Variants in MYO5B observed in about 807,000 individuals in gnomAD.
The protein encoded by MYO5B is unconventional myosin-Vb.
In MYO5B, 143 loss-of-function variants were observed where a neutral mutation model predicts 229.3. The ratio of observed to expected loss-of-function variants is 0.62; its 90% CI spans 0.54 to 0.72. The LOEUF (loss-of-function observed/expected upper bound fraction) is 0.72. MYO5B is among the 30% of genes least tolerant of loss of function. The pLI, the probability that MYO5B is intolerant of heterozygous loss-of-function variation, is 0.00. For synonymous variants in MYO5B, 918 were observed against 885.2 expected, an observed-to-expected ratio of 1.04 and a Z score of -0.66; for missense variants, 2,321 against 2,331.0, an observed-to-expected ratio of 1.00 and a Z score of 0.09.
intron 26 of MYO5B, among the ~76,000 whole-genome samples, chr18:49,874,098 C>A (rs1006697352): frequency 6.6e-6 from 1 of 152,212 alleles, no homozygotes; most frequent in African/African-American, 2.4e-5. Flanking sequence ...CCTCTCCCAA[C>A]CCACACCTGC....
chr18:50,051,205 C>A (rs2030383783), intron 2 of MYO5B, among the ~76,000 whole-genome samples: 1 of 152,148 alleles, frequency 6.6e-6, no homozygotes, highest in Admixed American at 6.5e-5. Context: ...ATAAAATATA[C>A]TTTAAACAGA....
In MYO5B at chr18:50,065,528, C is replaced by T. The variant is rs144764240; in HGVS notation, c.28-10150G>A. Among the ~76,000 whole-genome samples, 351 of 152,248 alleles carry T rather than the reference C, an allele frequency of 2.3e-3. 1 individual carries two copies. The highest frequency in any genetic ancestry group is 7.4e-3 in the African/African-American group (309 of 41,530). The stretch of plus-strand genomic sequence containing the variant: ...ACCGCCACTTATACAACCATCAGAT[C>T]TCATGATAACTCACTCACTGTAGGC... On this transcript the variant is annotated intron_variant, in intron 1 of 39. Transcript: ENST00000285039.
At chr18:49,858,579 G>A (rs578133153) in intron 29 of MYO5B, among the ~76,000 whole-genome samples, 7 of 152,250 alleles carry the variant, frequency 4.6e-5, no homozygotes, top group East Asian at 1.9e-4. Flanking sequence ...CACCTCTGTC[G>A]TCCCCGTAAA....
rs1438443779 is a variant in MYO5B, at chr18:49,904,690, C to T, written c.2553G>A (p.Val851=). ...TACTCACCTGGCGGTAGGTTCTCCG[C>T]ACAAACATGGCCCGGGTGAAGGCCT... ...VIQAFTRAMF[V]RRTYRQVLME... The change falls in exon 20 of 40, where the codon GTG becomes GTA. Residue 851 remains valine (V), a synonymous_variant. Transcript: ENST00000285039. 1 of 1,613,840 alleles carries T rather than the reference C, an allele frequency of 6.2e-7. No homozygotes were observed. The highest frequency in any genetic ancestry group is 1.3e-5 in the African/African-American group (1 of 74,932).
intron 30 of MYO5B, among the ~76,000 whole-genome samples, chr18:49,854,738 C>T (rs1046561805): frequency 2.0e-5 from 3 of 152,098 alleles, no homozygotes; most frequent in Admixed American, 2.0e-4. Flanking sequence ...CCGTGGCTGC[C>T]CTGGAGGAAG....
rs540648379 is a variant in MYO5B at position 49,864,067 on chromosome 18, A to G, written c.3843+74T>C. 490 of 1,585,166 alleles carry G rather than the reference A, an allele frequency of 3.1e-4. 6 individuals are homozygous for G. The South Asian group carries it at 5.1e-3, about 17-fold the overall frequency. ...AGGTTTTAGACCCTCGTGGGTAAAGATAATTAAAAAAACACTAATCTACCA... is the reference window on the plus strand; with the variant it reads ...AGGTTTTAGACCCTCGTGGGTAAAGGTAATTAAAAAAACACTAATCTACCA... On this transcript the variant is annotated intron_variant, in intron 28 of 39. Transcript: ENST00000285039.
intron 1 of MYO5B, among the ~76,000 whole-genome samples, chr18:50,094,630 A>T (rs2031514803): frequency 6.6e-6 from 1 of 152,180 alleles, no homozygotes; most frequent in South Asian, 2.1e-4. Flanking sequence ...TTTACCAAAC[A>T]AGGGAAAAAA....
intron 1 of MYO5B, among the ~76,000 whole-genome samples, chr18:50,173,956 C>T (rs1438749758): frequency 2.0e-5 from 3 of 152,052 alleles, no homozygotes; most frequent in African/African-American, 4.8e-5. Flanking sequence ...TCTGCGAGGG[C>T]GTTTCTGGAA....
intron 4 of MYO5B, among the ~76,000 whole-genome samples, chr18:50,002,012 G>A (rs1204296349): frequency 7.2e-6 from 1 of 138,072 alleles, no homozygotes; most frequent in Non-Finnish European, 1.5e-5. Flanking sequence ...CTCCAGCGTG[G>A]GCAACAGAGC....
chr18:50,040,924 C>A (rs960017358), intron 2 of MYO5B, among the ~76,000 whole-genome samples: 10 of 152,096 alleles, frequency 6.6e-5, no homozygotes, highest in Admixed American at 1.3e-4. Context: ...AGGTGTTATC[C>A]TTGTATTCTT....
intron 4 of MYO5B, among the ~76,000 whole-genome samples, chr18:50,032,719 C>A (rs147210607): frequency 1.5e-3 from 221 of 152,328 alleles, no homozygotes; most frequent in African/African-American, 5.1e-3. Flanking sequence ...GGCATGGAGG[C>A]TCATGCCTAT....
At chr18:49,907,819 T>A (rs980801491) in intron 18 of MYO5B, among the ~76,000 whole-genome samples, 6 of 152,260 alleles carry the variant, frequency 3.9e-5, no homozygotes, top group Admixed American at 2.6e-4. Flanking sequence ...GCCAGGCTGC[T>A]CGTGAAGCTG....
chr18:49,858,228 C>T (rs1005262218), intron 29 of MYO5B, among the ~76,000 whole-genome samples: 1 of 152,192 alleles, frequency 6.6e-6, no homozygotes, highest in Non-Finnish European at 1.5e-5. Context: ...TAACAAATCC[C>T]AAACTCATAA....
chr18:50,144,728 A>G (rs1196405797), intron 1 of MYO5B, among the ~76,000 whole-genome samples: 2 of 152,208 alleles, frequency 1.3e-5, no homozygotes, highest in African/African-American at 2.4e-5. Context: ...TACCAGTAAG[A>G]GTCTACAGGA....
At chr18:50,138,319 A>G (rs1487729209) in intron 1 of MYO5B, among the ~76,000 whole-genome samples, 1 of 152,202 alleles carries the variant, frequency 6.6e-6, no homozygotes, top group African/African-American at 2.4e-5. Flanking sequence ...AGATTTCAGT[A>G]TTCAGCATTC....
At chr18:50,069,757 TA>T (rs962543903) in intron 1 of MYO5B, among the ~76,000 whole-genome samples, 8 of 152,014 alleles carry the variant, frequency 5.3e-5, no homozygotes, top group Middle Eastern at 6.8e-3. Flanking sequence ...CTCAGATCCC[TA>T]AAAAAAACTG....
intron 1 of MYO5B, among the ~76,000 whole-genome samples, chr18:50,184,425 C>T (rs992113385): frequency 4.6e-5 from 7 of 152,110 alleles, no homozygotes; most frequent in Admixed American, 2.6e-4. Context: ...CCCTTATATC[C>T]AAATGATGTT....
At chr18:49,974,735 C>T (rs1190826496) in intron 9 of MYO5B, 120 bp from the exon 10 acceptor site, 4 of 1,146,238 alleles carry the variant, frequency 3.5e-6, no homozygotes, top group South Asian at 1.4e-5. Flanking sequence ...TCCCAGCCCT[C>T]CAGAATCCCA....
chr18:50,122,628 G>T lies in MYO5B; in HGVS notation c.28-67250C>A, dbSNP rs1240723590. Among the ~76,000 whole-genome samples, 4 of 2,560 alleles carry T rather than the reference G, an allele frequency of 1.6e-3. 1 individual carries two copies. The highest frequency in any genetic ancestry group is 4.8e-3 in the Non-Finnish European group (4 of 830). 1.7% of individuals were successfully genotyped at this position (2,560 alleles called of 152,430 possible). A position where few individuals can be genotyped will look rare whatever the true frequency, so the allele number is the denominator to read the frequency against. ...AGAGAAAGAGAGGGAGGGAGGGAAGGGGGGGGGAGAGAGAGAGAGAGAGAG... is the reference window on the plus strand; with the variant it reads ...AGAGAAAGAGAGGGAGGGAGGGAAGTGGGGGGGAGAGAGAGAGAGAGAGAG... On this transcript the variant is annotated intron_variant, in intron 1 of 39. Transcript: ENST00000285039.
Sources: allele counts gnomAD v4.1 joint callset (sites outside exome capture counted in the v4.1 genomes callset), GRCh38; gene constraint gnomAD v4.1.1; transcripts MANE v1.5; gene names NCBI Gene and HGNC (gene_info 2026-07-23, HGNC 2026-07-21).